The following ARSG variants were observed in gnomAD, a reference collection of about 807,000 sequenced individuals.
ARSG encodes the protein arylsulfatase G.
A neutral mutation model predicts 50.5 loss-of-function variants in ARSG; 37 were observed. The observed-to-expected ratio is 0.73, with a 90% CI of 0.56 to 0.96. The LOEUF is 0.96. Among genes scored for constraint, ARSG ranks in the 50% least tolerant of loss-of-function variants. ARSG has a pLI of 0.00. For missense variants in ARSG, 629 were observed against 675.3 expected (o/e 0.93, Z 0.76); for synonymous variants, 225 against 254.6 (o/e 0.88, Z 1.11).
At chr17:68,336,368 C>G (rs1288578723) in intron 2 of ARSG, among the ~76,000 whole-genome samples, 1 of 151,898 alleles carries the variant, frequency 6.6e-6, no homozygotes, top group Non-Finnish European at 1.5e-5. Flanking sequence ...CGCCACCACA[C>G]CTGGCTCATT....
At chr17:68,322,853 A>G (rs1194474786) in intron 2 of ARSG, among the ~76,000 whole-genome samples, 2 of 152,160 alleles carry the variant, frequency 1.3e-5, no homozygotes, top group East Asian at 1.9e-4. Context: ...TATTTCTCAC[A>G]GTTCTGGAGG....
chr17:68,357,489 C>T (rs2079084476), intron 6 of ARSG, among the ~76,000 whole-genome samples: 1 of 152,210 alleles, frequency 6.6e-6, no homozygotes. Context: ...GTTTAGGGTC[C>T]ACCAGGAGAA....
At chr17:68,448,187 G>A in the ARSG span, 1 of 152,020 alleles carries the variant, frequency 6.6e-6, no homozygotes, top group Non-Finnish European at 1.5e-5. Context: ...CAGTCCTCCC[G>A]GACACCACAG....
At chr17:68,433,589 A>G in the ARSG span, 1 of 1,607,176 alleles carries the variant, frequency 6.2e-7, no homozygotes, top group Non-Finnish European at 8.5e-7. Context: ...CAAGCACAGC[A>G]ACACATGGGT....
At chr17:68,407,907 A>G (rs974763052) in intron 11 of ARSG, among the ~76,000 whole-genome samples, 4 of 151,648 alleles carry the variant, frequency 2.6e-5, no homozygotes, top group Admixed American at 2.6e-4. Context: ...TTCCAGTAGT[A>G]TGTTGAAGAG....
intron 8 of ARSG, among the ~76,000 whole-genome samples, chr17:68,371,808 A>G (rs1334770880): frequency 6.6e-6 from 1 of 152,214 alleles, no homozygotes; most frequent in African/African-American, 2.4e-5. Flanking sequence ...AAGAACCACT[A>G]AAATAATTCA....
At chr17:68,314,321 G>T (rs1555767786) in intron 2 of ARSG, among the ~76,000 whole-genome samples, 1 of 151,994 alleles carries the variant, frequency 6.6e-6, no homozygotes, top group African/African-American at 2.4e-5. Flanking sequence ...GAGGTCAGGA[G>T]TTTGAGACCA....
chr17:68,314,737 T>C (rs2077005052), intron 2 of ARSG, among the ~76,000 whole-genome samples: 1 of 152,180 alleles, frequency 6.6e-6, no homozygotes, highest in Non-Finnish European at 1.5e-5. Flanking sequence ...GTAATCTGTG[T>C]AATCAGTTAG....
the ARSG span, among the ~76,000 whole-genome samples, chr17:68,449,872 G>A: frequency 3.1e-4 from 47 of 152,326 alleles, 1 homozygote; most frequent in Middle Eastern, 3.4e-3. Flanking sequence ...TTAGCTGGGC[G>A]TGGTGGTGCC....
chr17:68,363,454 GT>G (rs1176951044), intron 6 of ARSG, among the ~76,000 whole-genome samples: 2 of 118,652 alleles, frequency 1.7e-5, no homozygotes, highest in African/African-American at 3.0e-5. Flanking sequence ...GCCCTAGTAC[GT>G]TTCTTTTGTT....
At chr17:68,356,827 C>A (rs1281124690) in intron 6 of ARSG, 23 bp downstream of exon 6, 2 of 1,613,784 alleles carry the variant, frequency 1.2e-6, no homozygotes, top group Non-Finnish European at 1.7e-6. Context: ...CCTCCCTCCG[C>A]AGGGCCTCCC....
At chr17:68,287,328 CTTTT>C, upstream of ARSG, among the ~76,000 whole-genome samples, 1 of 144,820 alleles carries the variant, frequency 6.9e-6, no homozygotes, top group Middle Eastern at 3.7e-3. Flanking sequence ...TCTTCTTCTT[CTTTT>C]TTTTTTTAAT....
chr17:68,294,762 C>T (rs9905949), intron 1 of ARSG, among the ~76,000 whole-genome samples: 11,903 of 152,218 alleles, frequency 0.078, 527 homozygotes, highest in African/African-American at 0.12. Context: ...AGGAACTTCA[C>T]ACACTCTGCC....
At chr17:68,280,198 A>G (rs2075649821) in intron 1 of ARSG, among the ~76,000 whole-genome samples, 1 of 146,094 alleles carries the variant, frequency 6.8e-6, no homozygotes, top group Non-Finnish European at 1.5e-5. Flanking sequence ...AAAAAAAAAA[A>G]AAGAATTATT....
chr17:68,277,109 T>C (rs548614003), intron 1 of ARSG, among the ~76,000 whole-genome samples: 10 of 152,218 alleles, frequency 6.6e-5, no homozygotes, highest in African/African-American at 2.2e-4. Flanking sequence ...AATTATGAGA[T>C]TGGGGCCTGG....
intron 1 of ARSG, among the ~76,000 whole-genome samples, chr17:68,281,439 C>T (rs1270649637): frequency 6.6e-6 from 1 of 151,696 alleles, no homozygotes; most frequent in Non-Finnish European, 1.5e-5. Flanking sequence ...TGGTGGCATG[C>T]ACCTCTACAC....
chr17:68,392,197 C>CTCCAGTAAGCCCCGCTGACT (rs2081026720), intron 9 of ARSG, among the ~76,000 whole-genome samples: 1 of 152,236 alleles, frequency 6.6e-6, no homozygotes, highest in Non-Finnish European at 1.5e-5. Context: ...GCCCTCCTGG[C>CTCCAGTAAGCCCCGCTGACT]TCCAGTAAGC....
intron 11 of ARSG, among the ~76,000 whole-genome samples, chr17:68,417,192 C>T (rs971545670): frequency 6.6e-6 from 1 of 152,154 alleles, no homozygotes; most frequent in African/African-American, 2.4e-5. Context: ...CTTCCCTCCC[C>T]TTAGGTGGAA....
intron 3 of ARSG, among the ~76,000 whole-genome samples, chr17:68,344,442 A>G (rs1339464248): frequency 2.6e-5 from 4 of 152,264 alleles, no homozygotes; most frequent in African/African-American, 9.6e-5. Context: ...ACATTGTCCA[A>G]TGACTCCCTC....
Sources: allele counts gnomAD v4.1 joint callset (sites outside exome capture counted in the v4.1 genomes callset), GRCh38; gene constraint gnomAD v4.1.1; transcripts MANE v1.5; gene names NCBI Gene and HGNC (gene_info 2026-07-23, HGNC 2026-07-21).